Variants in APOBEC3F observed in about 807,000 individuals in gnomAD.
The protein encoded by APOBEC3F is DNA dC->dU-editing enzyme APOBEC-3F.
APOBEC3F carries 34 observed loss-of-function variants against 45.8 expected under a neutral mutation model. The ratio of observed to expected loss-of-function variants is 0.74; its 90% CI spans 0.57 to 0.99. The LOEUF (loss-of-function observed/expected upper bound fraction) is 0.99. Ranked by LOEUF, APOBEC3F falls within the 50% of genes least tolerant of loss-of-function variation. The pLI, the probability that APOBEC3F is intolerant of heterozygous loss-of-function variation, is 0.00. For missense variants in APOBEC3F, 459 were observed against 474.1 expected (o/e 0.97, Z 0.30); for synonymous variants, 192 against 174.4 (o/e 1.10, Z -0.80).
Position 39,054,378 on chromosome 22 carries a change from C to T in APOBEC3F, c.*1683C>T, listed in dbSNP as rs367687323. On this transcript the variant is annotated 3_prime_UTR_variant, in exon 7 of 7. Coordinates refer to ENST00000308521, the MANE Select transcript of APOBEC3F (RefSeq NM_145298.6). ...TCCCAAGTAGCTGGGATTACATGCG[C>T]GTGCCACCACGCCTAGCTAATTTTT... 1.4e-4 allele frequency among the ~76,000 whole-genome samples: 22 copies of T among 152,252 alleles called. No individual in the cohort carries two copies. The highest frequency in any genetic ancestry group is 4.6e-4 in the African/African-American group (19 of 41,534).
At position 39,055,551 on chromosome 22, in the gene APOBEC3F, G is replaced by A. The variant is rs1200006010; in HGVS notation, c.*2856G>A. On this transcript the variant is annotated 3_prime_UTR_variant, in exon 7 of 7. Coordinates refer to ENST00000308521, the MANE Select transcript of APOBEC3F (RefSeq NM_145298.6). ...TCTCTGCTAATTTTTCTATTTTTTAGTAGAGATGGGGTTTCACTGAGGAAG... is the reference window on the plus strand; with the variant it reads ...TCTCTGCTAATTTTTCTATTTTTTAATAGAGATGGGGTTTCACTGAGGAAG... 1.3e-5 allele frequency among the ~76,000 whole-genome samples: 2 copies of A among 152,070 alleles called. No homozygotes were observed. The highest frequency in any genetic ancestry group is 2.4e-5 in the African/African-American group (1 of 41,410).
In APOBEC3F at chr22:39,052,157, C is replaced by T. The variant is rs780866750; in HGVS notation, c.807C>T (p.Tyr269=). ...ACATACTGTCTCCTAACACAAACTA[C>T]GAGGTCACCTGGTACACATCTTGGA... is the stretch of plus-strand genomic sequence containing the variant. ...CDDILSPNTN[Y]EVTWYTSWSP... Residue 269 remains tyrosine (Y), a synonymous_variant, in exon 6 of 7, where the codon TAC becomes TAT. Transcript: ENST00000308521. The T allele has an allele frequency of 2.3e-5, 37 of 1,613,952 alleles. No homozygotes were observed. Among genetic ancestry groups the T allele is most frequent in the Middle Eastern group, 1.6e-4 (1 of 6,078 alleles).
rs367913160 is a variant in APOBEC3F at position 39,055,707 on chromosome 22, T to C, written c.*3012T>C. On this transcript the variant is annotated 3_prime_UTR_variant, in exon 7 of 7. Transcript: ENST00000308521. ...GGTAGTTAAAGATCAACTCCTGACC[T>C]GACCGCTTGTTTTATCTAAAGATTC... Among the ~76,000 whole-genome samples, 77 of 152,320 alleles carry C rather than the reference T, an allele frequency of 5.1e-4. 1 individual carries two copies. In the Middle Eastern group the frequency reaches 0.014, roughly 27 times the overall value.
intron 6 of APOBEC3F, 40 bp downstream of exon 6, chr22:39,052,393 G>T (rs1927537326): frequency 6.2e-7 from 1 of 1,607,932 alleles, no homozygotes; most frequent in African/African-American, 1.3e-5. Flanking sequence ...GTGCGGGAGG[G>T]ACAGCATGAG....
At chr22:39,045,994 C>G (rs1569070647) in intron 4 of APOBEC3F, among the ~76,000 whole-genome samples, 1 of 152,192 alleles carries the variant, frequency 6.6e-6, no homozygotes. Flanking sequence ...AGAAGATGCC[C>G]CCGGGCCGGG....
chr22:39,049,037 C>T (rs35321168), intron 4 of APOBEC3F, among the ~76,000 whole-genome samples: 11,658 of 151,786 alleles, frequency 0.077, 1,476 homozygotes, highest in African/African-American at 0.27. Context: ...CCTGGGAATT[C>T]GGTGTGATAC....
At position 39,045,192 on chromosome 22, in the gene APOBEC3F, G is replaced by C; in HGVS notation, c.423G>C (p.Gly141=). Reference sequence around the variant, plus strand: ...CGCTCTGCAGGCTGAGTCAGGCAGGGGCCCGCGTGAAGATTATGGACGATG... The same window carrying C: ...CGCTCTGCAGGCTGAGTCAGGCAGGCGCCCGCGTGAAGATTATGGACGATG... ...RRALCRLSQA[G]ARVKIMDDEE... The change falls in exon 3 of 7, where the codon GGG becomes GGC. Residue 141 remains glycine, a synonymous_variant. Coordinates refer to ENST00000308521, the MANE Select transcript of APOBEC3F (RefSeq NM_145298.6). 6.2e-7 allele frequency: 1 copy of C among 1,613,808 alleles called. No homozygotes were observed. Among genetic ancestry groups the C allele is most frequent in the Admixed American group, 1.7e-5 (1 of 59,960 alleles).
intron 5 of APOBEC3F, among the ~76,000 whole-genome samples, chr22:39,051,159 C>T (rs1181886642): frequency 6.6e-6 from 1 of 151,568 alleles, no homozygotes; most frequent in South Asian, 2.1e-4. Flanking sequence ...ATCGCCTGAA[C>T]CCAGGAGGCA....
chr22:39,050,486 G>A (rs1275625102), intron 5 of APOBEC3F, among the ~76,000 whole-genome samples: 11 of 143,238 alleles, frequency 7.7e-5, no homozygotes, highest in African/African-American at 2.7e-4. Context: ...TGCTGGCCTC[G>A]GAAACACCCA....
At chr22:39,048,538 GA>G (rs1275342899) in intron 4 of APOBEC3F, among the ~76,000 whole-genome samples, 1 of 152,012 alleles carries the variant, frequency 6.6e-6, no homozygotes. Flanking sequence ...GTCTGGCCGC[GA>G]TGGCTCACAC....
Position 39,052,332 on chromosome 22 carries a change from G to C in APOBEC3F, c.982G>C (p.Val328Leu), listed in dbSNP as rs763711558. 3.2e-5 allele frequency: 52 copies of C among 1,614,100 alleles called. No individual in the cohort carries two copies. In the East Asian group the frequency reaches 1.1e-3, roughly 34 times the overall value. ...LRSLSQEGAS[V>L]EIMGYKDFKY... ...CAGCCTGAGTCAGGAAGGGGCCTCC[G>C]TGGAGATCATGGGCTACAAAGGTGA... Residue 328 changes from valine to leucine, a missense_variant, in exon 6 of 7, where the codon GTG becomes CTG. By Grantham distance (32) the Val-to-Leu change is conservative (BLOSUM62 1). Coordinates refer to ENST00000308521, the MANE Select transcript of APOBEC3F (RefSeq NM_145298.6).
At chr22:39,043,710 G>T (rs1184116608) in intron 2 of APOBEC3F, among the ~76,000 whole-genome samples, 1 of 151,818 alleles carries the variant, frequency 6.6e-6, no homozygotes, top group African/African-American at 2.4e-5. Context: ...TTGTCACACT[G>T]AGTCTTTGAA....
At position 39,044,538 on chromosome 22, in the gene APOBEC3F, C is replaced by A. The variant is rs542167232; in HGVS notation, c.172-403C>A. 1.0e-4 allele frequency: 61 copies of A among 584,180 alleles called. No individual in the cohort carries two copies. The Middle Eastern group carries it at 1.5e-3, about 14-fold the overall frequency. The allele number at this position is 584,180 out of a possible 1,614,324, so 36.2% of individuals were successfully genotyped here. A position where few individuals can be genotyped will look rare whatever the true frequency, so the allele number is the denominator to read the frequency against. On this transcript the variant is annotated intron_variant, in intron 2 of 6. Coordinates refer to ENST00000308521, the MANE Select transcript of APOBEC3F (RefSeq NM_145298.6). The stretch of plus-strand genomic sequence containing the variant: ...CCAGAAGTTCAGGGGATGCTCCAGA[C>A]AGAGTGGCCTGGGATGTCGAGTCAC...
At chr22:39,043,951 T>C (rs1433738513) in intron 2 of APOBEC3F, 11 of 1,299,092 alleles carry the variant, frequency 8.5e-6, no homozygotes, top group Non-Finnish European at 1.1e-5. Flanking sequence ...CTTGAACCCA[T>C]GAGGCAGAGG....
At chr22:39,047,877 T>C (rs1927300206) in intron 4 of APOBEC3F, among the ~76,000 whole-genome samples, 1 of 152,184 alleles carries the variant, frequency 6.6e-6, no homozygotes, top group African/African-American at 2.4e-5. Flanking sequence ...CAATCAGGCA[T>C]TTTGTTCTCA....
chr22:39,046,145 T>C (rs1462984547), intron 4 of APOBEC3F, among the ~76,000 whole-genome samples: 1 of 152,100 alleles, frequency 6.6e-6, no homozygotes, highest in Non-Finnish European at 1.5e-5. Context: ...CTCTGGCCTT[T>C]CCTCTGTGCA....
intron 4 of APOBEC3F, among the ~76,000 whole-genome samples, chr22:39,047,091 G>A (rs1274555579): frequency 6.6e-6 from 1 of 152,000 alleles, no homozygotes; most frequent in Non-Finnish European, 1.5e-5. Flanking sequence ...GAACAACTCT[G>A]GGCAGGAGAT....
At chr22:39,041,151 GC>G (rs981268064) in intron 1 of APOBEC3F, among the ~76,000 whole-genome samples, 174 bp downstream of exon 1, 4 of 149,764 alleles carry the variant, frequency 2.7e-5, no homozygotes, top group African/African-American at 9.8e-5. Flanking sequence ...CTCTGTGGTT[GC>G]CCCACTGCTG....
At chr22:39,042,768 C>T (rs1421654140) in intron 1 of APOBEC3F, among the ~76,000 whole-genome samples, 169 bp from the exon 2 acceptor site, 1 of 152,154 alleles carries the variant, frequency 6.6e-6, no homozygotes, top group African/African-American at 2.4e-5. Flanking sequence ...ATCCCCTTTT[C>T]TTGCTCTCTC....
Sources: allele counts gnomAD v4.1 joint callset (sites outside exome capture counted in the v4.1 genomes callset), GRCh38; gene constraint gnomAD v4.1.1; transcripts MANE v1.5; gene names NCBI Gene and HGNC (gene_info 2026-07-23, HGNC 2026-07-21).